The following RPS6KC1 variants were observed in gnomAD, a reference collection of about 807,000 sequenced individuals.
RPS6KC1 encodes the protein ribosomal protein S6 kinase C1, also known as inactive ribosomal protein S6 kinase delta-1.
Under a neutral mutation model 103.8 loss-of-function variants are expected in RPS6KC1, and 54 were observed. The ratio of observed to expected loss-of-function variants is 0.52; its 90% CI spans 0.42 to 0.65. The LOEUF (loss-of-function observed/expected upper bound fraction) is 0.65. Among genes scored for constraint, RPS6KC1 ranks in the 30% least tolerant of loss-of-function variants. The pLI, the probability that RPS6KC1 is intolerant of heterozygous loss-of-function variation, is 0.00. For missense variants in RPS6KC1, 1,151 were observed against 1,253.8 expected, an observed-to-expected ratio of 0.92 and a Z score of 1.24; for synonymous variants, 439 against 438.7, an observed-to-expected ratio of 1.00 and a Z score of -0.01.
At chr1:213,099,346 A>G (rs909924589) in intron 3 of RPS6KC1, among the ~76,000 whole-genome samples, 1 of 152,164 alleles carries the variant, frequency 6.6e-6, no homozygotes, top group African/African-American at 2.4e-5. Context: ...AGACAAGTTG[A>G]AAGATGTGGA....
chr1:213,307,298 G>A, the RPS6KC1 span, among the ~76,000 whole-genome samples: 434 of 152,070 alleles, frequency 2.9e-3, 3 homozygotes, highest in African/African-American at 8.9e-3. Context: ...TGATCCGCCC[G>A]CCTCGGCCTC....
chr1:213,588,437 T>A, the RPS6KC1 span, among the ~76,000 whole-genome samples: 2 of 151,992 alleles, frequency 1.3e-5, no homozygotes, highest in Non-Finnish European at 1.5e-5. Flanking sequence ...TGGCTGGGAT[T>A]ACAGGTGCCC....
the RPS6KC1 span, among the ~76,000 whole-genome samples, chr1:213,364,790 C>T: frequency 6.6e-6 from 1 of 151,894 alleles, no homozygotes; most frequent in African/African-American, 2.4e-5. Flanking sequence ...CGTGTCTCTA[C>T]TAAAAAAAAT....
At chr1:213,776,754 A>G in the RPS6KC1 span, among the ~76,000 whole-genome samples, 3 of 152,204 alleles carry the variant, frequency 2.0e-5, no homozygotes, top group African/African-American at 4.8e-5. Context: ...CTCTCTAGCT[A>G]TGAAAGTCCT....
the RPS6KC1 span, among the ~76,000 whole-genome samples, chr1:213,403,028 T>C: frequency 6.6e-6 from 1 of 150,376 alleles, no homozygotes; most frequent in East Asian, 2.0e-4. Flanking sequence ...CGAGGGAGGC[T>C]GAGGCAGGAG....
At chr1:213,488,661 G>T in the RPS6KC1 span, among the ~76,000 whole-genome samples, 4 of 152,228 alleles carry the variant, frequency 2.6e-5, no homozygotes, top group African/African-American at 9.6e-5. Context: ...TGGACATTGT[G>T]GTTGGAGTCT....
At chr1:213,743,638 T>A in the RPS6KC1 span, among the ~76,000 whole-genome samples, 1 of 152,128 alleles carries the variant, frequency 6.6e-6, no homozygotes, top group East Asian at 1.9e-4. Flanking sequence ...CAAACACAAC[T>A]TGGATTTGTT....
chr1:213,279,924 G>A, the RPS6KC1 span, among the ~76,000 whole-genome samples: 11 of 152,304 alleles, frequency 7.2e-5, no homozygotes, highest in Middle Eastern at 3.4e-3. Flanking sequence ...TGCCACAGCG[G>A]TCTGTGTTTT....
At chr1:213,714,399 A>T in the RPS6KC1 span, among the ~76,000 whole-genome samples, 1 of 152,256 alleles carries the variant, frequency 6.6e-6, no homozygotes, top group Non-Finnish European at 1.5e-5. Flanking sequence ...CCAGTAGATT[A>T]TCTTTCCCTT....
chr1:213,517,869 T>G, the RPS6KC1 span, among the ~76,000 whole-genome samples: 1 of 152,210 alleles, frequency 6.6e-6, no homozygotes, highest in Non-Finnish European at 1.5e-5. Flanking sequence ...AGTCTAAGTC[T>G]CTTCGTAGGT....
At chr1:213,739,055 G>A in the RPS6KC1 span, among the ~76,000 whole-genome samples, 173 of 151,896 alleles carry the variant, frequency 1.1e-3, 1 homozygote, top group African/African-American at 3.7e-3. Flanking sequence ...TGAACAACAC[G>A]GGTTTGAACT....
the RPS6KC1 span, among the ~76,000 whole-genome samples, chr1:213,787,125 G>C: frequency 6.6e-6 from 1 of 150,796 alleles, no homozygotes; most frequent in Non-Finnish European, 1.5e-5. Context: ...ATCTCTGCTG[G>C]CTTGTGTTTC....
intron 2 of RPS6KC1, chr1:213,072,989 A>G (rs1320309458): frequency 2.5e-6 from 2 of 794,970 alleles, no homozygotes; most frequent in African/African-American, 3.7e-5. Context: ...AAACTCTTGT[A>G]AGTGTCTTTT....
At chr1:213,460,396 C>T in the RPS6KC1 span, among the ~76,000 whole-genome samples, 2 of 148,188 alleles carry the variant, frequency 1.3e-5, no homozygotes, top group Non-Finnish European at 3.0e-5. Context: ...ACTGGGATTG[C>T]AACCCCTGCT....
At chr1:213,421,285 G>A in the RPS6KC1 span, among the ~76,000 whole-genome samples, 1 of 151,974 alleles carries the variant, frequency 6.6e-6, no homozygotes, top group African/African-American at 2.4e-5. Flanking sequence ...CTAATTTTTT[G>A]TATTTTTAGT....
chr1:213,238,207 T>G (rs895735088), intron 10 of RPS6KC1, among the ~76,000 whole-genome samples: 1 of 152,162 alleles, frequency 6.6e-6, no homozygotes, highest in Admixed American at 6.6e-5. Context: ...AGAATGTATA[T>G]ATGATGTCCA....
chr1:213,500,636 G>A, the RPS6KC1 span, among the ~76,000 whole-genome samples: 1 of 152,180 alleles, frequency 6.6e-6, no homozygotes, highest in Admixed American at 6.5e-5. Flanking sequence ...GAGTATTGGG[G>A]TTGTGCTATG....
At chr1:213,775,593 T>C in the RPS6KC1 span, among the ~76,000 whole-genome samples, 6 of 152,346 alleles carry the variant, frequency 3.9e-5, no homozygotes, top group African/African-American at 9.6e-5. Flanking sequence ...TAATGATCAT[T>C]TGAGCCTTCA....
At chr1:213,432,780 A>G in the RPS6KC1 span, among the ~76,000 whole-genome samples, 2 of 151,644 alleles carry the variant, frequency 1.3e-5, no homozygotes, top group African/African-American at 4.8e-5. Flanking sequence ...TCCTGTCAGC[A>G]TAATTATTTC....
Sources: allele counts gnomAD v4.1 joint callset (sites outside exome capture counted in the v4.1 genomes callset), GRCh38; gene constraint gnomAD v4.1.1; transcripts MANE v1.5; gene names NCBI Gene and HGNC (gene_info 2026-07-23, HGNC 2026-07-21).